CYP21A2: variants seen among roughly 807,000 people sequenced by gnomAD.
CYP21A2 encodes the protein steroid 21-hydroxylase.
CYP21A2 carries 24 observed loss-of-function variants against 47.4 expected under a neutral mutation model. The ratio of observed to expected loss-of-function variants is 0.51; its 90% confidence interval spans 0.37 to 0.71. The LOEUF (loss-of-function observed/expected upper bound fraction) is 0.71. Among genes scored for constraint, CYP21A2 ranks in the 30% least tolerant of loss-of-function variants. CYP21A2 has a pLI of 0.00. For missense variants in CYP21A2, 358 were observed against 643.2 expected, an observed-to-expected ratio of 0.56 and a Z score of 4.80; for synonymous variants, 130 against 273.9, an observed-to-expected ratio of 0.47 and a Z score of 5.19.
Position 32,040,213 on chromosome 6 carries a change from C to T in CYP21A2, c.939+8C>T. 1 of 1,612,880 alleles carries T rather than the reference C, an allele frequency of 6.2e-7. No homozygotes were observed. Among genetic ancestry groups the T allele is most frequent in the Non-Finnish European group, 8.5e-7 (1 of 1,179,864 alleles). ...TTGCTTCACCACCCTGAGGTGCGTCCTGGGGACAAGCAAAAGGCTCCTTCC... is the reference window on the plus strand; with the variant it reads ...TTGCTTCACCACCCTGAGGTGCGTCTTGGGGACAAGCAAAAGGCTCCTTCC... On this transcript the variant is annotated splice_region_variant and intron_variant, in intron 7 of 9. Transcript: ENST00000644719.
At position 32,039,477 on chromosome 6, in the gene CYP21A2, G is replaced by A. The variant is rs1432120754; in HGVS notation, c.549+20G>A. 3 of 1,586,054 alleles carry A rather than the reference G, an allele frequency of 1.9e-6. No homozygotes were observed. The highest frequency in any genetic ancestry group is 3.6e-5 in the Admixed American group (2 of 55,900). The stretch of plus-strand genomic sequence containing the variant: ...ATCAAGGTGCCTCACAGCCCCTCAG[G>A]CCCACCCCCAGCCCCTCCCTGAGCC... On this transcript the variant is annotated intron_variant, in intron 4 of 9. Coordinates refer to ENST00000644719, the MANE Select transcript of CYP21A2 (RefSeq NM_000500.9).
chr6:32,039,681 T>C (rs2151873353), intron 5 of CYP21A2, 34 bp downstream of exon 5: 5 of 1,567,136 alleles, frequency 3.2e-6, no homozygotes, highest in East Asian at 4.8e-5. Context: ...CCCTGGGTTG[T>C]AGGGGAGAGG....
rs770059546 is a variant in CYP21A2, at chr6:32,040,197, C to A, written c.931C>A (p.His311Asn). ...LSWAVVFLLHHPEIQQRLQEE... is the reference protein window; with the variant it reads ...LSWAVVFLLHNPEIQQRLQEE... Reference sequence around the variant, plus strand: ...CTGGGCCGTGGTTTTTTTGCTTCACCACCCTGAGGTGCGTCCTGGGGACAA... The same window carrying A: ...CTGGGCCGTGGTTTTTTTGCTTCACAACCCTGAGGTGCGTCCTGGGGACAA... The change falls in exon 7 of 10, where the codon CAC (histidine) becomes AAC (asparagine). Residue 311 changes from histidine to asparagine, a missense_variant. His to Asn is a moderately conservative substitution (Grantham distance 68, BLOSUM62 1). Transcript: ENST00000644719. 6.1e-5 allele frequency: 98 copies of A among 1,612,760 alleles called. 1 individual carries two copies. The highest frequency in any genetic ancestry group is 6.9e-5 in the Non-Finnish European group (82 of 1,179,872).
At chr6:32,038,699 A>G in intron 1 of CYP21A2, 23 bp from the exon 2 acceptor site, 1 of 1,481,646 alleles carries the variant, frequency 6.7e-7, no homozygotes, top group Non-Finnish European at 9.3e-7. Context: ...CTCTCCGCTG[A>G]CGCTGCTTTG....
chr6:32,039,167 G>T lies in CYP21A2; in HGVS notation c.366G>T (p.Lys122Asn). The T allele has an allele frequency of 1.2e-6, 2 of 1,604,756 alleles. No homozygotes were observed. Among genetic ancestry groups the T allele is most frequent in the Non-Finnish European group, 1.7e-6 (2 of 1,175,438 alleles). The change falls in exon 3 of 10, where the codon AAG (lysine) becomes AAT (asparagine). Residue 122 changes from lysine to asparagine, a missense_variant. Physicochemically the swap from Lys to Asn is moderately conservative, Grantham distance 94. Transcript: ENST00000644719. ...DYSLLWKAHK[K>N]LTRSALLLGI... ...CCCTGCTCTGGAAAGCCCACAAGAA[G>T]CTCACCCGCTCAGCCCTGCTGCTGG... is the stretch of plus-strand genomic sequence containing the variant.
At position 32,038,458 on chromosome 6, in the gene CYP21A2, G is replaced by C. The variant is rs752191291; in HGVS notation, c.36G>C (p.Leu12=). Residue 12 remains leucine, a synonymous_variant, in exon 1 of 10, where the codon CTG becomes CTC. Coordinates refer to ENST00000644719, the MANE Select transcript of CYP21A2 (RefSeq NM_000500.9). The part of the protein sequence containing the change: ...LLLGLLLLLP[L]LAGARLLWNW... ...TGGGCCTGCTGCTGCTGCTGCCCCTGCTGGCTGGCGCCCGCCTGCTGTGGA... is the reference window on the plus strand; with the variant it reads ...TGGGCCTGCTGCTGCTGCTGCCCCTCCTGGCTGGCGCCCGCCTGCTGTGGA... 2.3e-5 allele frequency: 36 copies of C among 1,564,630 alleles called. 2 individuals are homozygous for C. In the South Asian group the frequency reaches 4.2e-4, roughly 18 times the overall value.
Position 32,039,098 on chromosome 6 carries a change from G to A in CYP21A2, c.297G>A (p.Lys99=), listed in dbSNP as rs771505510. 4.6e-6 allele frequency: 7 copies of A among 1,529,526 alleles called. No homozygotes were observed. In the African/African-American group the frequency reaches 9.9e-5, roughly 22 times the overall value. The allele number at this position is 1,529,526 out of a possible 1,614,324, so 94.7% of individuals were successfully genotyped here. The change falls in exon 3 of 10, where the codon AAG becomes AAA. Residue 99 remains lysine (K), a synonymous_variant. Transcript: ENST00000644719. ...FAGRPEPLTY[K]LVSRNYPDLS... ...AGCCCCCACCTCCTCCTGCAGACAA[G>A]CTGGTGTCTAGGAACTACCCGGACC...
In CYP21A2 at chr6:32,041,574, C is replaced by G; in HGVS notation, c.*440C>G. The G allele has an allele frequency of 9.5e-6, 10 of 1,052,028 alleles. 1 individual carries two copies. The highest frequency in any genetic ancestry group is 1.3e-5 in the Non-Finnish European group (9 of 700,666). The allele number at this position is 1,052,028 out of a possible 1,614,324, so 65.2% of individuals were successfully genotyped here. On this transcript the variant is annotated 3_prime_UTR_variant, in exon 10 of 10. Transcript: ENST00000644719. ...CCGCAGAGCTCCCTTCCTGACCCTC[C>G]GCTGCAGAGGATTGAGGCTTAATTC...
Position 32,039,572 on chromosome 6 carries a change from C to T in CYP21A2, c.576C>T (p.Tyr192=). 1.9e-6 allele frequency: 3 copies of T among 1,580,770 alleles called. No homozygotes were observed. Among genetic ancestry groups the T allele is most frequent in the Non-Finnish European group, 1.7e-6 (2 of 1,161,792 alleles). The part of the protein sequence containing the change: ...IKDDNLMPAY[Y]KCIQEVLKTW... ...ACGACAACTTAATGCCTGCCTATTA[C>T]AAATGTATCCAGGAGGTGTTAAAAA... The change falls in exon 5 of 10, where the codon TAC becomes TAT. Residue 192 remains tyrosine (Y), a synonymous_variant. Coordinates refer to ENST00000644719, the MANE Select transcript of CYP21A2 (RefSeq NM_000500.9).
At chr6:32,039,062 T>TGCCCCCCC in intron 2 of CYP21A2, 32 bp from the exon 3 acceptor site, 19 of 1,565,698 alleles carry the variant, frequency 1.2e-5, no homozygotes, top group Non-Finnish European at 1.6e-5. Flanking sequence ...CTTCATCAGT[T>TGCCCCCCC]CCCACCCTCC....
rs1469796089 is a variant in CYP21A2, at chr6:32,041,232, C to T, written c.*98C>T. The stretch of plus-strand genomic sequence containing the variant: ...CCCTGTAAACACAGTGCTGCGAGAT[C>T]GCTGGCAGAGAAGGCTTCCTCCAGC... On this transcript the variant is annotated 3_prime_UTR_variant, in exon 10 of 10. Coordinates refer to ENST00000644719, the MANE Select transcript of CYP21A2 (RefSeq NM_000500.9). The T allele has an allele frequency of 4.0e-5, 34 of 851,012 alleles. No homozygotes were observed. Among genetic ancestry groups the T allele is most frequent in the South Asian group, 2.9e-4 (21 of 73,236 alleles). 52.7% of individuals were successfully genotyped at this position (851,012 alleles called of 1,614,324 possible).
In CYP21A2 at chr6:32,041,421, G is replaced by T; in HGVS notation, c.*287G>T. ...TTTCCGTGAAGGGCACCGAGAACTC[G>T]AAGCCCTTCCAGTGGTACCAGCTCA... On this transcript the variant is annotated 3_prime_UTR_variant, in exon 10 of 10. Transcript: ENST00000644719. The T allele has an allele frequency of 1.0e-6, 1 of 1,002,874 alleles. No individual in the cohort carries two copies. 62.1% of individuals were successfully genotyped at this position (1,002,874 alleles called of 1,614,324 possible).
At position 32,038,539 on chromosome 6, in the gene CYP21A2, C is replaced by G; in HGVS notation, c.117C>G (p.His39Gln). 1 of 1,605,998 alleles carries G rather than the reference C, an allele frequency of 6.2e-7. No individual in the cohort carries two copies. The highest frequency in any genetic ancestry group is 8.5e-7 in the Non-Finnish European group (1 of 1,175,924). ...HLPPLAPGFL[H>Q]LLQPDLPIYL... Reference sequence around the variant, plus strand: ...CGCCTCTTGCCCCGGGCTTCTTGCACCTGCTGCAGCCCGACCTCCCCATCT... The same window carrying G: ...CGCCTCTTGCCCCGGGCTTCTTGCAGCTGCTGCAGCCCGACCTCCCCATCT... The change falls in exon 1 of 10, where the codon CAC (histidine) becomes CAG (glutamine). Residue 39 changes from histidine (H) to glutamine (Q), a missense_variant. Physicochemically the swap from His to Gln is conservative, Grantham distance 24 (BLOSUM62 0). Transcript: ENST00000644719.
At chr6:32,039,520 G>A in intron 4 of CYP21A2, 26 bp from the exon 5 acceptor site, 3 of 1,577,750 alleles carry the variant, frequency 1.9e-6, no homozygotes, top group South Asian at 2.3e-5. Context: ...GTCCTGAACT[G>A]AAAGTACTCC....
Position 32,041,437 on chromosome 6 carries a change from T to C in CYP21A2, c.*303T>C. ...CGAGAACTCGAAGCCCTTCCAGTGG[T>C]ACCAGCTCACTCCCTGGGAAAGGGG... On this transcript the variant is annotated 3_prime_UTR_variant, in exon 10 of 10. Coordinates refer to ENST00000644719, the MANE Select transcript of CYP21A2 (RefSeq NM_000500.9). 3.3e-6 allele frequency: 3 copies of C among 919,966 alleles called. No homozygotes were observed. Among genetic ancestry groups the C allele is most frequent in the Non-Finnish European group, 5.2e-6 (3 of 574,350 alleles). The allele number at this position is 919,966 out of a possible 1,614,324, so 57.0% of individuals were successfully genotyped here.
Position 32,039,628 on chromosome 6 carries a change from A to G in CYP21A2, c.632A>G (p.Asp211Gly). ...TWSHWSIQIV[D>G]VIPFLRFFPN... ...AGCCACTGGTCCATCCAAATTGTGG[A>G]CGTGATTCCCTTTCTCAGGGTGAGG... is the stretch of plus-strand genomic sequence containing the variant. The change falls in exon 5 of 10, where the codon GAC becomes GGC. Residue 211 changes from aspartate (D) to glycine (G), a missense_variant. Transcript: ENST00000644719. 6.4e-7 allele frequency: 1 copy of G among 1,562,690 alleles called. No homozygotes were observed. The highest frequency in any genetic ancestry group is 8.7e-7 in the Non-Finnish European group (1 of 1,152,086).
rs998535866 is a variant in CYP21A2, at chr6:32,041,586, T to C, written c.*452T>C. 4.7e-6 allele frequency: 5 copies of C among 1,066,924 alleles called. No homozygotes were observed. The highest frequency in any genetic ancestry group is 5.1e-5 in the East Asian group (2 of 38,926). The allele number at this position is 1,066,924 out of a possible 1,614,324, so 66.1% of individuals were successfully genotyped here. A position where few individuals can be genotyped will look rare whatever the true frequency, so the allele number is the denominator to read the frequency against. ...CTTCCTGACCCTCCGCTGCAGAGGA[T>C]TGAGGCTTAATTCTGAGCTGGCCCT... On this transcript the variant is annotated 3_prime_UTR_variant, in exon 10 of 10. Coordinates refer to ENST00000644719, the MANE Select transcript of CYP21A2 (RefSeq NM_000500.9).
chr6:32,039,543 C>T lies in CYP21A2; in HGVS notation c.550-3C>T, dbSNP rs1776112437. 1.3e-6 allele frequency: 2 copies of T among 1,585,910 alleles called. No homozygotes were observed. The highest frequency in any genetic ancestry group is 1.7e-6 in the Non-Finnish European group (2 of 1,164,942). On this transcript the variant is annotated splice_region_variant and splice_polypyrimidine_tract_variant and intron_variant, in intron 4 of 9. Transcript: ENST00000644719. Reference sequence around the variant, plus strand: ...CTGAAAGTACTCCCTCCTTTTCTGGCAGGACGACAACTTAATGCCTGCCTA... The same window carrying T: ...CTGAAAGTACTCCCTCCTTTTCTGGTAGGACGACAACTTAATGCCTGCCTA...
chr6:32,038,847 A>G (rs561284668), intron 2 of CYP21A2, 36 bp downstream of exon 2: 15 of 1,433,048 alleles, frequency 1.0e-5, no homozygotes, highest in Non-Finnish European at 1.5e-5. Context: ...TCTTAAAAAA[A>G]TTTTTTTTTA....
Sources: allele counts gnomAD v4.1 joint callset, GRCh38; gene constraint gnomAD v4.1.1; transcripts MANE v1.5; gene names NCBI Gene and HGNC (gene_info 2026-07-23, HGNC 2026-07-21).